ESR2: variants seen among roughly 807,000 people sequenced by gnomAD.
ESR2 encodes the protein estrogen receptor 2.
ESR2 carries 36 observed loss-of-function variants against 49.6 expected under a neutral mutation model. That is an observed-to-expected ratio of 0.73 (90% CI 0.56 to 0.96). ESR2 has a LOEUF of 0.96. ESR2 is among the 40% of genes least tolerant of loss of function. The pLI is 0.00. For synonymous variants in ESR2, 320 were observed against 266.1 expected (o/e 1.20, Z -1.97); for missense variants, 714 against 693.0 (o/e 1.03, Z -0.34).
Position 64,325,648 on chromosome 14 carries a change from C to G in ESR2, c.-91+12250G>C, listed in dbSNP as rs138010668. On this transcript the variant is annotated intron_variant, in intron 1 of 8. Transcript: ENST00000358599. ...TTGAATTGCATGGGTCCACTGATAACGTGGATTTTCTTCTACTTCTGCTAC... is the reference window on the plus strand; with the variant it reads ...TTGAATTGCATGGGTCCACTGATAAGGTGGATTTTCTTCTACTTCTGCTAC... 9.1e-4 allele frequency among the ~76,000 whole-genome samples: 139 copies of G among 152,228 alleles called. 1 individual carries two copies. The highest frequency in any genetic ancestry group is 3.4e-3 in the Middle Eastern group (1 of 294).
chr14:64,253,289 C>CA (rs1201895770), intron 6 of ESR2, among the ~76,000 whole-genome samples: 1 of 151,996 alleles, frequency 6.6e-6, no homozygotes, highest in Non-Finnish European at 1.5e-5. Flanking sequence ...TTCCTGGGTT[C>CA]AAGCAATTCT....
In ESR2 at chr14:64,288,159, T is replaced by C. The variant is rs76755040; in HGVS notation, c.-90-5084A>G. Among the ~76,000 whole-genome samples, 183 of 152,286 alleles carry C rather than the reference T, an allele frequency of 1.2e-3. 1 individual carries two copies. The highest frequency in any genetic ancestry group is 2.2e-3 in the Non-Finnish European group (151 of 68,028). On this transcript the variant is annotated intron_variant, in intron 1 of 8. Coordinates refer to ENST00000341099, the MANE Select transcript of ESR2 (RefSeq NM_001437.3). ...TTGGCCCTCTCAGGTCACATCTGAA[T>C]TCAGCCAGAAAGCTTTTTGTACACA...
intron 1 of ESR2, among the ~76,000 whole-genome samples, chr14:64,308,894 C>T (rs2077147512): frequency 6.6e-6 from 1 of 152,004 alleles, no homozygotes; most frequent in Admixed American, 6.6e-5. Flanking sequence ...CCTCCAACCT[C>T]AGCTTCCCAA....
chr14:64,282,294 G>T (rs1035591273), intron 2 of ESR2, among the ~76,000 whole-genome samples: 4 of 152,126 alleles, frequency 2.6e-5, no homozygotes, highest in Admixed American at 1.3e-4. Context: ...GCAGTGAGCC[G>T]CAATCGTGCC....
upstream of ESR2, among the ~76,000 whole-genome samples, chr14:64,296,043 C>CAAAA (rs34335763): frequency 0.011 from 997 of 89,138 alleles, 44 homozygotes; most frequent in East Asian, 0.078. Flanking sequence ...GACTCTGTCT[C>CAAAA]AAAAAAAAAA....
At chr14:64,259,590 C>T (rs2076170495) in intron 5 of ESR2, among the ~76,000 whole-genome samples, 2 of 152,276 alleles carry the variant, frequency 1.3e-5, no homozygotes, top group Middle Eastern at 3.4e-3. Context: ...TACAGCACTT[C>T]AGATATATAT....
intron 5 of ESR2, among the ~76,000 whole-genome samples, chr14:64,258,660 C>A (rs995666852): frequency 1.3e-5 from 2 of 152,074 alleles, no homozygotes; most frequent in African/African-American, 2.4e-5. Flanking sequence ...CGCAAATCTG[C>A]CTCAAGGAGA....
intron 6 of ESR2, among the ~76,000 whole-genome samples, chr14:64,255,556 A>G (rs556591404): frequency 6.6e-6 from 1 of 152,350 alleles, no homozygotes; most frequent in Non-Finnish European, 1.5e-5. Context: ...TTAGTTTGCC[A>G]TTTGGCAACC....
intron 1 of ESR2, chr14:64,335,737 C>G (rs1420809722): frequency 6.6e-6 from 1 of 151,764 alleles, no homozygotes; most frequent in Non-Finnish European, 1.5e-5. Context: ...TTAACAACTG[C>G]ATCCATCTTG....
chr14:64,241,145 CAAAAAA>C (rs56347632), intron 7 of ESR2, among the ~76,000 whole-genome samples: 6 of 95,404 alleles, frequency 6.3e-5, no homozygotes, highest in East Asian at 4.9e-4. Context: ...GACTCCGTCT[CAAAAAA>C]AAAAAAAAAA....
At position 64,257,060 on chromosome 14, in the gene ESR2, A is replaced by G. The variant is rs75738281; in HGVS notation, c.1091+166T>C. Among the ~76,000 whole-genome samples the G allele has an allele frequency of 8.7e-3, 1,322 of 152,246 alleles. 26 individuals are homozygous for G. Among genetic ancestry groups the G allele is most frequent in the African/African-American group, 0.03 (1,258 of 41,538 alleles). ...CACAGGACCCTGAATCCTTGGACCC[A>G]ACTCTCTCCTTCTCTGGTTCTTGAC... On this transcript the variant is annotated intron_variant, in intron 6 of 8. Transcript: ENST00000341099.
chr14:64,271,697 C>T (rs1028802165), intron 3 of ESR2, among the ~76,000 whole-genome samples: 1 of 152,234 alleles, frequency 6.6e-6, no homozygotes, highest in African/African-American at 2.4e-5. Flanking sequence ...TTTCACTTAA[C>T]ATGACCTCCA....
intron 4 of ESR2, among the ~76,000 whole-genome samples, chr14:64,261,232 C>CTTTTTTTTTTTTTTTTTTTTTTTTTTTT (rs374264697): frequency 3.4e-5 from 3 of 88,682 alleles, no homozygotes; most frequent in Non-Finnish European, 2.1e-5. Flanking sequence ...TTTTATTTTT[C>CTTTTTTTTTTTTTTTTTTTTTTTTTTTT]TTTTTTCTTT....
chr14:64,286,462 AG>A (rs2076786953), intron 1 of ESR2, among the ~76,000 whole-genome samples: 1 of 151,722 alleles, frequency 6.6e-6, no homozygotes, highest in Non-Finnish European at 1.5e-5. Flanking sequence ...CACCATGCCC[AG>A]CTAATTTTTT....
chr14:64,327,365 A>G (rs1445547390), intron 1 of ESR2, among the ~76,000 whole-genome samples: 1 of 151,780 alleles, frequency 6.6e-6, no homozygotes, highest in Non-Finnish European at 1.5e-5. Context: ...ATTCGAGACC[A>G]GCCTGGCCAA....
rs562432932 is a variant in ESR2, at chr14:64,264,904, C to T, written c.652+3891G>A. On this transcript the variant is annotated intron_variant, in intron 4 of 8. Transcript: ENST00000341099. ...AAAAAAAAAAAGAAAAAAAAAAAAGCACCTTTCTGATCATACATTTCTCTT... is the reference window on the plus strand; with the variant it reads ...AAAAAAAAAAAGAAAAAAAAAAAAGTACCTTTCTGATCATACATTTCTCTT... Among the ~76,000 whole-genome samples, 3 of 146,356 alleles carry T rather than the reference C, an allele frequency of 2.0e-5. No homozygotes were observed. In the East Asian group the frequency reaches 5.9e-4, roughly 29 times the overall value.
At chr14:64,301,320 T>C (rs997577786) in intron 1 of ESR2, 3 of 152,188 alleles carry the variant, frequency 2.0e-5, no homozygotes, top group Admixed American at 6.5e-5. Context: ...CGTTCCCGCA[T>C]GTTTGGGTTC....
At position 64,229,588 on chromosome 14, in the gene ESR2, G is replaced by A. The variant is rs969507291; in HGVS notation, c.*3549C>T. Reference sequence around the variant, plus strand: ...TGTCAGGTTGCACCTGATAGATTCTGCAGTTTTAAAATATTTTTCTTTAAA... The same window carrying A: ...TGTCAGGTTGCACCTGATAGATTCTACAGTTTTAAAATATTTTTCTTTAAA... On this transcript the variant is annotated 3_prime_UTR_variant, in exon 9 of 9. Coordinates refer to ENST00000341099, the MANE Select transcript of ESR2 (RefSeq NM_001437.3). Among the ~76,000 whole-genome samples the A allele has an allele frequency of 2.0e-5, 3 of 152,136 alleles. No homozygotes were observed. The highest frequency in any genetic ancestry group is 4.4e-5 in the Non-Finnish European group (3 of 68,034).
At chr14:64,252,626 C>T (rs2076011654) in intron 6 of ESR2, among the ~76,000 whole-genome samples, 2 of 152,126 alleles carry the variant, frequency 1.3e-5, no homozygotes, top group Admixed American at 6.6e-5. Flanking sequence ...GCACATCTTA[C>T]ATGGAGGCAG....
Sources: gnomAD v4.1 joint callset for allele counts (sites outside exome capture counted in the v4.1 genomes callset) on GRCh38, gnomAD v4.1.1 for gene constraint, MANE v1.5 for transcripts, NCBI Gene and HGNC (gene_info 2026-07-23, HGNC 2026-07-21) for gene names.